IRAK1BP1: variants seen among roughly 807,000 people sequenced by gnomAD.
IRAK1BP1 encodes interleukin-1 receptor-associated kinase 1-binding protein 1.
In IRAK1BP1, 24 loss-of-function variants were observed where a neutral mutation model predicts 28.0. The observed-to-expected ratio is 0.86, with a 90% CI of 0.62 to 1.20. The LOEUF (loss-of-function observed/expected upper bound fraction) is 1.20. Among genes scored for constraint, IRAK1BP1 ranks in the 50% most tolerant of loss-of-function variants. The probability of loss-of-function intolerance (pLI) is 0.00; values close to 1 mark genes in which losing one functional copy is unlikely to be tolerated. For missense variants in IRAK1BP1, 336 were observed against 316.7 expected (o/e 1.06, Z -0.46); for synonymous variants, 131 against 116.3 (o/e 1.13, Z -0.81).
Position 78,902,768 on chromosome 6 carries a change from CTACA to C in IRAK1BP1, c.*4485_*4488del, listed in dbSNP as rs67306723. On this transcript the variant is annotated 3_prime_UTR_variant, in exon 4 of 4. Transcript: ENST00000369940. ...CCTGGGTGACAAAGTGAGACTCCAT[CTACA>C]TACATACATACATACATACATACAT... The C allele has an allele frequency of 0.041, 12,674 of 311,774 alleles. 289 individuals carry two copies. The highest frequency in any genetic ancestry group is 0.079 in the Middle Eastern group (88 of 1,108). 19.3% of individuals were successfully genotyped at this position (311,774 alleles called of 1,614,324 possible).
chr6:78,977,969 GACACCAGATAAC>G, the IRAK1BP1 span, among the ~76,000 whole-genome samples: 1 of 151,956 alleles, frequency 6.6e-6, no homozygotes, highest in South Asian at 2.1e-4. Context: ...CAATCTGTTG[GACACCAGATAAC>G]ACTGCCTCTT....
At chr6:78,943,990 T>TAAAA (rs558983037) in intron 4 of IRAK1BP1, among the ~76,000 whole-genome samples, 1,740 of 78,034 alleles carry the variant, frequency 0.022, 53 homozygotes, top group East Asian at 0.052. Context: ...TGTCTTTTTT[T>TAAAA]AAAAAAAAAA....
the IRAK1BP1 span, chr6:78,956,700 T>C: frequency 1.3e-5 from 2 of 152,194 alleles, no homozygotes; most frequent in Non-Finnish European, 2.9e-5. Flanking sequence ...ATGGCTTTCT[T>C]TTCATCTAAC....
chr6:78,961,761 C>T, the IRAK1BP1 span: 1 of 1,612,046 alleles, frequency 6.2e-7, no homozygotes, highest in Non-Finnish European at 8.5e-7. Context: ...CTGTGCAATA[C>T]ATGGGATAGG....
At chr6:78,919,079 G>A (rs181086521) in intron 4 of IRAK1BP1, among the ~76,000 whole-genome samples, 1 of 152,190 alleles carries the variant, frequency 6.6e-6, no homozygotes, top group Non-Finnish European at 1.5e-5. Flanking sequence ...CAGGGAAATT[G>A]AACAACTTGT....
At chr6:78,873,262 A>AT (rs897903971) in intron 1 of IRAK1BP1, among the ~76,000 whole-genome samples, 1 of 150,068 alleles carries the variant, frequency 6.7e-6, no homozygotes, top group African/African-American at 2.4e-5. Context: ...CTCAAAAAAA[A>AT]AAAAAAAAAA....
intron 4 of IRAK1BP1, among the ~76,000 whole-genome samples, chr6:78,912,191 A>G (rs930541169): frequency 1.3e-5 from 2 of 152,032 alleles, no homozygotes; most frequent in Non-Finnish European, 2.9e-5. Context: ...TTTTTCCTGG[A>G]AAAGTTTGAT....
the IRAK1BP1 span, among the ~76,000 whole-genome samples, chr6:78,971,767 G>T: frequency 6.6e-6 from 1 of 152,124 alleles, no homozygotes; most frequent in Non-Finnish European, 1.5e-5. Flanking sequence ...AAGGGGTGAC[G>T]GACGGCACCT....
chr6:78,890,949 A>G (rs1210201015), intron 2 of IRAK1BP1, among the ~76,000 whole-genome samples: 2 of 152,274 alleles, frequency 1.3e-5, no homozygotes, highest in Non-Finnish European at 2.9e-5. Context: ...ACATTTCCCT[A>G]CCATACGTGA....
intron 1 of IRAK1BP1, among the ~76,000 whole-genome samples, 194 bp from the exon 2 acceptor site, chr6:78,885,180 CATTT>C (rs1193019196): frequency 1.3e-5 from 2 of 152,028 alleles, no homozygotes; most frequent in East Asian, 3.8e-4. Flanking sequence ...AAAGGAGTGA[CATTT>C]ATGAAATTTT....
At position 78,899,403 on chromosome 6, in the gene IRAK1BP1, A is replaced by G. The variant is rs1473455603; in HGVS notation, c.*1069A>G. ...ACAACTTCACAACATGAATAGAAAT[A>G]GTGATAAATAATTCATAGCTTTTTA... On this transcript the variant is annotated 3_prime_UTR_variant, in exon 4 of 4. Coordinates refer to ENST00000369940, the MANE Select transcript of IRAK1BP1 (RefSeq NM_001010844.4). 1 of 152,226 alleles carries G rather than the reference A, an allele frequency of 6.6e-6. No individual in the cohort carries two copies. The highest frequency in any genetic ancestry group is 2.4e-5 in the African/African-American group (1 of 41,450). The allele number at this position is 152,226 out of a possible 1,614,324, so 9.4% of individuals were successfully genotyped here.
At chr6:78,941,456 T>A in intron 4 of IRAK1BP1, 1 of 579,424 alleles carries the variant, frequency 1.7e-6, no homozygotes. Context: ...TTTATTAAAA[T>A]GAGAAAAAAG....
chr6:78,955,835 C>T, the IRAK1BP1 span: 7 of 437,338 alleles, frequency 1.6e-5, no homozygotes, highest in Middle Eastern at 3.5e-4. Context: ...TATGCACACA[C>T]ATTTAACCCT....
intron 4 of IRAK1BP1, among the ~76,000 whole-genome samples, chr6:78,911,322 G>A (rs138904399): frequency 3.3e-5 from 5 of 152,194 alleles, no homozygotes; most frequent in Middle Eastern, 3.4e-3. Context: ...GATGGTCAAA[G>A]GGACCGAGGT....
At chr6:78,966,230 G>A in the IRAK1BP1 span, among the ~76,000 whole-genome samples, 97 of 152,230 alleles carry the variant, frequency 6.4e-4, 1 homozygote, top group South Asian at 8.1e-3. Flanking sequence ...GAGAAAAAAG[G>A]AATTTAGTAA....
chr6:78,911,462 C>T (rs1245366230), intron 4 of IRAK1BP1, among the ~76,000 whole-genome samples: 1 of 152,164 alleles, frequency 6.6e-6, no homozygotes, highest in Non-Finnish European at 1.5e-5. Flanking sequence ...ATCCCCATTG[C>T]CTCACCAGTT....
intron 4 of IRAK1BP1, among the ~76,000 whole-genome samples, chr6:78,931,297 A>C (rs1582056950): frequency 6.6e-6 from 1 of 152,060 alleles, no homozygotes; most frequent in Non-Finnish European, 1.5e-5. Context: ...CTGTAGTCGA[A>C]GCTACTCATG....
the IRAK1BP1 span, among the ~76,000 whole-genome samples, chr6:78,967,743 T>C: frequency 6.6e-6 from 1 of 152,202 alleles, no homozygotes; most frequent in African/African-American, 2.4e-5. Flanking sequence ...TTAGCCACAT[T>C]ACTTTGCCAA....
At chr6:78,915,701 T>G (rs192189579) in intron 4 of IRAK1BP1, among the ~76,000 whole-genome samples, 5 of 152,312 alleles carry the variant, frequency 3.3e-5, no homozygotes, top group Non-Finnish European at 7.4e-5. Flanking sequence ...CCTTTTCTCC[T>G]TCACTTGTGG....
Sources: allele counts gnomAD v4.1 joint callset (sites outside exome capture counted in the v4.1 genomes callset), GRCh38; gene constraint gnomAD v4.1.1; transcripts MANE v1.5; gene names NCBI Gene and HGNC (gene_info 2026-07-23, HGNC 2026-07-21).